Variants in DPP6 observed in about 807,000 individuals in gnomAD.
DPP6 encodes dipeptidyl peptidase like 6.
DPP6 carries 69 observed loss-of-function variants against 122.6 expected under a neutral mutation model. That is an observed-to-expected ratio of 0.56 (90% CI 0.46 to 0.69). The LOEUF (loss-of-function observed/expected upper bound fraction) is 0.69, where lower values mean the gene tolerates loss of function less well. DPP6 is among the 30% of genes least tolerant of loss of function. The pLI, the probability that DPP6 is intolerant of heterozygous loss-of-function variation, is 0.00. For synonymous variants in DPP6, 418 were observed against 433.1 expected, an observed-to-expected ratio of 0.97 and a Z score of 0.43; for missense variants, 928 against 1,116.9, an observed-to-expected ratio of 0.83 and a Z score of 2.41.
At chr7:154,447,386 G>T (rs79522368) in intron 2 of DPP6, among the ~76,000 whole-genome samples, 2 of 151,946 alleles carry the variant, frequency 1.3e-5, no homozygotes, top group Admixed American at 6.6e-5. Flanking sequence ...TGTTTTATCC[G>T]TTCTCATGAT....
chr7:154,584,875 A>G (rs371387934), intron 5 of DPP6, among the ~76,000 whole-genome samples: 2 of 152,170 alleles, frequency 1.3e-5, no homozygotes, highest in African/African-American at 4.8e-5. Flanking sequence ...TGTCTTCCTG[A>G]TTTCAATTTA....
intron 3 of DPP6, among the ~76,000 whole-genome samples, chr7:154,500,507 A>C (rs765534866): frequency 6.6e-5 from 10 of 152,118 alleles, no homozygotes; most frequent in Non-Finnish European, 1.2e-4. Context: ...TGACTGAATT[A>C]TGGGGGCGGA....
chr7:153,791,817 G>T, the DPP6 span, among the ~76,000 whole-genome samples: 1 of 152,194 alleles, frequency 6.6e-6, no homozygotes, highest in African/African-American at 2.4e-5. Flanking sequence ...TAAGACAGAG[G>T]TCATGAAGAA....
chr7:153,796,918 T>G, the DPP6 span, among the ~76,000 whole-genome samples: 1 of 152,202 alleles, frequency 6.6e-6, no homozygotes, highest in Admixed American at 6.5e-5. Context: ...GTTGAAGAGA[T>G]GCCACCTTCA....
chr7:154,150,272 C>G (rs1796342879), intron 1 of DPP6, among the ~76,000 whole-genome samples: 1 of 152,068 alleles, frequency 6.6e-6, no homozygotes, highest in South Asian at 2.1e-4. Flanking sequence ...TTTGGCAAGG[C>G]CCCCCACTTG....
At chr7:154,275,175 G>A (rs1804048042) in intron 1 of DPP6, among the ~76,000 whole-genome samples, 1 of 152,228 alleles carries the variant, frequency 6.6e-6, no homozygotes, top group Non-Finnish European at 1.5e-5. Context: ...CTCAGCCAAG[G>A]ACTGCCAGAT....
chr7:154,851,789 T>G (rs1425705725), intron 16 of DPP6, among the ~76,000 whole-genome samples: 1 of 152,192 alleles, frequency 6.6e-6, no homozygotes, highest in Non-Finnish European at 1.5e-5. Context: ...ATTCTTTATC[T>G]GAGCACCACA....
chr7:153,772,971 A>C, the DPP6 span, among the ~76,000 whole-genome samples: 1 of 64,858 alleles, frequency 1.5e-5, no homozygotes, highest in Admixed American at 1.9e-4. Context: ...ATAAAAGAAA[A>C]GACTTATATA....
chr7:154,575,618 TGTG>T (rs1186164399), intron 5 of DPP6, among the ~76,000 whole-genome samples: 4 of 108,318 alleles, frequency 3.7e-5, no homozygotes, highest in African/African-American at 1.5e-4. Context: ...TGTATGTGTG[TGTG>T]GTGTGTGTGT....
chr7:153,878,152 C>T, the DPP6 span, among the ~76,000 whole-genome samples: 1 of 152,132 alleles, frequency 6.6e-6, no homozygotes, highest in African/African-American at 2.4e-5. Context: ...AGCAACAGGT[C>T]ACTCACATCC....
intron 7 of DPP6, among the ~76,000 whole-genome samples, chr7:154,709,168 A>C (rs907200040): frequency 6.6e-6 from 1 of 152,210 alleles, no homozygotes; most frequent in African/African-American, 2.4e-5. Context: ...ACACACATAC[A>C]TCTTGAAGGA....
At chr7:153,791,526 A>G in the DPP6 span, among the ~76,000 whole-genome samples, 4 of 141,514 alleles carry the variant, frequency 2.8e-5, no homozygotes, top group Admixed American at 1.6e-4. Context: ...GGTTCAAGCT[A>G]TTCTCCTGCC....
At chr7:154,796,085 G>A in intron 12 of DPP6, 1 of 709,602 alleles carries the variant, frequency 1.4e-6, no homozygotes, top group Non-Finnish European at 2.2e-6. Context: ...GAGAATCCAA[G>A]TTCCAGGGAG....
chr7:154,587,613 C>CT (rs759758923), intron 5 of DPP6: 2 of 1,518,486 alleles, frequency 1.3e-6, no homozygotes, highest in South Asian at 2.5e-5. Flanking sequence ...TGGAATTGAG[C>CT]TTTCTAAAAT....
At chr7:154,097,048 C>A (rs1289568870) in intron 1 of DPP6, among the ~76,000 whole-genome samples, 2 of 152,252 alleles carry the variant, frequency 1.3e-5, no homozygotes, top group Non-Finnish European at 2.9e-5. Flanking sequence ...GCGTTCACTG[C>A]AGCTGCCTGT....
chr7:154,587,295 T>A (rs1349488876), intron 5 of DPP6: 1 of 311,226 alleles, frequency 3.2e-6, no homozygotes, highest in Non-Finnish European at 6.0e-6. Flanking sequence ...TCATCCTGAC[T>A]TGAGCTAAAT....
At chr7:154,778,945 C>T (rs373413403) in intron 10 of DPP6, among the ~76,000 whole-genome samples, 3 of 143,014 alleles carry the variant, frequency 2.1e-5, no homozygotes, top group Non-Finnish European at 4.7e-5. Flanking sequence ...ACAACTTCCA[C>T]CACCAGCTCT....
intron 3 of DPP6, among the ~76,000 whole-genome samples, chr7:154,526,984 A>G (rs1029234314): frequency 5.3e-5 from 8 of 152,228 alleles, no homozygotes; most frequent in East Asian, 1.9e-4. Context: ...CTATAAACAC[A>G]AATTACTGCA....
intron 1 of DPP6, among the ~76,000 whole-genome samples, chr7:154,046,437 C>T (rs1800020798): frequency 6.6e-6 from 1 of 152,236 alleles, no homozygotes; most frequent in Non-Finnish European, 1.5e-5. Flanking sequence ...TGCTGAACAA[C>T]ATTCCAGTCT....
Sources: allele counts gnomAD v4.1 joint callset (sites outside exome capture counted in the v4.1 genomes callset), GRCh38; gene constraint gnomAD v4.1.1; transcripts MANE v1.5; gene names NCBI Gene and HGNC (gene_info 2026-07-23, HGNC 2026-07-21).